Variants in ADK observed in about 807,000 individuals in gnomAD.
ADK encodes the protein N6,N6-dimethyladenosine kinase.
A neutral mutation model predicts 44.7 loss-of-function variants in ADK; 24 were observed. That is an observed-to-expected ratio of 0.54 (90% CI 0.39 to 0.76). The LOEUF (loss-of-function observed/expected upper bound fraction) is 0.76. Among genes scored for constraint, ADK ranks in the 30% least tolerant of loss-of-function variants. The pLI, the probability that ADK is intolerant of heterozygous loss-of-function variation, is 0.00. For missense variants in ADK, 321 were observed against 425.1 expected (o/e 0.76, Z 2.15); for synonymous variants, 128 against 142.6 (o/e 0.90, Z 0.73).
chr10:74,226,387 G>T (rs1217758592), intron 3 of ADK, among the ~76,000 whole-genome samples: 1 of 152,148 alleles, frequency 6.6e-6, no homozygotes, highest in Non-Finnish European at 1.5e-5. Flanking sequence ...GATTATCACA[G>T]GCTTGAGCCA....
chr10:74,242,097 T>C (rs1018939938), intron 3 of ADK, among the ~76,000 whole-genome samples: 1 of 152,254 alleles, frequency 6.6e-6, no homozygotes, highest in Non-Finnish European at 1.5e-5. Flanking sequence ...CCAAACATAT[T>C]GTTCTTATGA....
intron 6 of ADK, among the ~76,000 whole-genome samples, chr10:74,519,367 CTTAT>C (rs920915283): frequency 4.0e-5 from 6 of 151,846 alleles, no homozygotes; most frequent in Non-Finnish European, 8.8e-5. Context: ...AGCCACGTTA[CTTAT>C]GCTCATCATG....
chr10:74,525,630 A>G (rs1849006632), intron 7 of ADK, among the ~76,000 whole-genome samples: 2 of 152,018 alleles, frequency 1.3e-5, no homozygotes, highest in Admixed American at 1.3e-4. Context: ...CTTCTTTCTT[A>G]GTGAAGCATT....
At chr10:74,496,492 G>A (rs984615996) in intron 6 of ADK, among the ~76,000 whole-genome samples, 1 of 152,160 alleles carries the variant, frequency 6.6e-6, no homozygotes, top group African/African-American at 2.4e-5. Flanking sequence ...GGTACCTTCC[G>A]CCATGATTGT....
At chr10:74,685,742 G>A (rs1855762152) in intron 10 of ADK, among the ~76,000 whole-genome samples, 1 of 152,110 alleles carries the variant, frequency 6.6e-6, no homozygotes, top group South Asian at 2.1e-4. Context: ...CAATTTTCTT[G>A]AGAATGACAG....
rs77033446 is a variant in ADK at position 74,244,435 on chromosome 10, T to G, written c.194+19844T>G. On this transcript the variant is annotated intron_variant, in intron 3 of 10. Transcript: ENST00000539909. ...CATTCAAATATTCTAAACTTGTGTTTAGTACTGTATGTTTATCTTGATAAA... is the reference window on the plus strand; with the variant it reads ...CATTCAAATATTCTAAACTTGTGTTGAGTACTGTATGTTTATCTTGATAAA... Among the ~76,000 whole-genome samples the G allele has an allele frequency of 1.4e-3, 209 of 152,326 alleles. 1 individual carries two copies. Among genetic ancestry groups the G allele is most frequent in the African/African-American group, 4.7e-3 (196 of 41,594 alleles).
intron 9 of ADK, among the ~76,000 whole-genome samples, chr10:74,640,730 G>A (rs1403966504): frequency 6.6e-6 from 1 of 152,164 alleles, no homozygotes; most frequent in African/African-American, 2.4e-5. Context: ...AAACAAATGG[G>A]TGTGGCTGTA....
intron 3 of ADK, among the ~76,000 whole-genome samples, chr10:74,252,742 G>A (rs1051806547): frequency 6.6e-6 from 1 of 152,124 alleles, no homozygotes; most frequent in Non-Finnish European, 1.5e-5. Context: ...ACGTTTCAGG[G>A]TCCTTCCAAG....
intron 4 of ADK, chr10:74,372,107 T>C (rs927270497): frequency 4.0e-6 from 3 of 750,464 alleles, no homozygotes; most frequent in Non-Finnish European, 7.3e-6. Context: ...CCATTTCCCA[T>C]GAACACCCAT....
intron 7 of ADK, among the ~76,000 whole-genome samples, chr10:74,557,372 T>A (rs374905612): frequency 3.7e-4 from 56 of 152,224 alleles, no homozygotes; most frequent in African/African-American, 1.3e-3. Flanking sequence ...ATTGGATACT[T>A]CTGTGTCTAT....
At chr10:74,191,828 A>G (rs951200360) in intron 1 of ADK, among the ~76,000 whole-genome samples, 2 of 152,204 alleles carry the variant, frequency 1.3e-5, no homozygotes, top group Non-Finnish European at 2.9e-5. Context: ...GTATAGTTCT[A>G]TAAAGTTTTA....
intron 9 of ADK, among the ~76,000 whole-genome samples, chr10:74,609,218 G>A (rs1428116132): frequency 1.3e-5 from 2 of 152,110 alleles, no homozygotes; most frequent in Non-Finnish European, 2.9e-5. Context: ...TGGCTCCCTG[G>A]CTTTATCCCC....
intron 7 of ADK, among the ~76,000 whole-genome samples, chr10:74,528,667 C>A (rs1446047634): frequency 1.3e-5 from 2 of 152,020 alleles, no homozygotes; most frequent in Non-Finnish European, 2.9e-5. Flanking sequence ...AGTAACAACT[C>A]AACAATAAGC....
chr10:74,588,429 T>C (rs1214993949), intron 7 of ADK, among the ~76,000 whole-genome samples: 3 of 152,234 alleles, frequency 2.0e-5, no homozygotes, highest in Non-Finnish European at 4.4e-5. Flanking sequence ...AACATTAAGC[T>C]AGTTGTCCTA....
chr10:74,457,980 G>T (rs1316850044), intron 6 of ADK, among the ~76,000 whole-genome samples: 1 of 151,834 alleles, frequency 6.6e-6, no homozygotes, highest in African/African-American at 2.4e-5. Context: ...ACAAACCTGC[G>T]TGTTCTGCAC....
chr10:74,400,894 C>T (rs908369392), intron 6 of ADK, among the ~76,000 whole-genome samples: 1 of 152,092 alleles, frequency 6.6e-6, no homozygotes, highest in Non-Finnish European at 1.5e-5. Flanking sequence ...AATTCCAAAC[C>T]TTCTTCTTCA....
At chr10:74,251,894 C>CTTTTTTTTTTTTTTT (rs566363104) in intron 3 of ADK, among the ~76,000 whole-genome samples, 1 of 99,386 alleles carries the variant, frequency 1.0e-5, no homozygotes, top group African/African-American at 4.1e-5. Context: ...GTGGCAGATA[C>CTTTTTTTTTTTTTTT]TTTTTTTTTT....
intron 4 of ADK, among the ~76,000 whole-genome samples, chr10:74,330,582 T>A (rs999552160): frequency 1.3e-5 from 2 of 152,228 alleles, no homozygotes; most frequent in African/African-American, 4.8e-5. Flanking sequence ...TTTCTGAGGC[T>A]AGATCATTAA....
chr10:74,361,627 A>G (rs1217206702), intron 4 of ADK, among the ~76,000 whole-genome samples: 1 of 152,198 alleles, frequency 6.6e-6, no homozygotes, highest in Non-Finnish European at 1.5e-5. Flanking sequence ...TTTGTCTTTT[A>G]GTCGTCTTAC....
Sources: gnomAD v4.1 joint callset for allele counts (sites outside exome capture counted in the v4.1 genomes callset) on GRCh38, gnomAD v4.1.1 for gene constraint, MANE v1.5 for transcripts, NCBI Gene and HGNC (gene_info 2026-07-23, HGNC 2026-07-21) for gene names.